LIFR: variants seen among roughly 807,000 people sequenced by gnomAD.
The protein encoded by LIFR is leukemia inhibitory factor receptor.
Under a neutral mutation model 122.2 loss-of-function variants are expected in LIFR, and 84 were observed. The observed-to-expected ratio is 0.69, with a 90% confidence interval of 0.58 to 0.82. The LOEUF (loss-of-function observed/expected upper bound fraction) is 0.82, where lower values mean the gene tolerates loss of function less well. Ranked by LOEUF, LIFR falls within the 40% of genes least tolerant of loss-of-function variation. The pLI is 0.00. For synonymous variants in LIFR, 422 were observed against 434.7 expected (o/e 0.97, Z 0.36); for missense variants, 1,294 against 1,311.6 (o/e 0.99, Z 0.21).
At chr5:38,579,674 C>T (rs1156660318) in intron 1 of LIFR, 1 of 152,136 alleles carries the variant, frequency 6.6e-6, no homozygotes, top group African/African-American at 2.4e-5. Flanking sequence ...GAGGTATACT[C>T]ACCAAGAAAG....
chr5:38,560,972 T>C (rs914539114), upstream of LIFR, among the ~76,000 whole-genome samples: 2 of 152,176 alleles, frequency 1.3e-5, no homozygotes, highest in Non-Finnish European at 2.9e-5. Context: ...AGACAAATAT[T>C]TTTTAAAAAA....
intron 5 of LIFR, among the ~76,000 whole-genome samples, chr5:38,514,261 A>G (rs1745958682): frequency 6.6e-6 from 1 of 152,182 alleles, no homozygotes. Flanking sequence ...ATAAAACAAG[A>G]AATTCCCAAG....
intron 1 of LIFR, among the ~76,000 whole-genome samples, chr5:38,551,231 G>T: frequency 6.6e-6 from 1 of 152,238 alleles, no homozygotes; most frequent in Middle Eastern, 3.4e-3. Context: ...CAGGGCTATG[G>T]GTCTCCAGGC....
upstream of LIFR, among the ~76,000 whole-genome samples, chr5:38,598,211 C>A (rs1360215633): frequency 4.8e-5 from 3 of 62,242 alleles, no homozygotes; most frequent in Non-Finnish European, 9.1e-5. Context: ...TAAGGCACCT[C>A]TTTTTTTTTT....
intron 1 of LIFR, among the ~76,000 whole-genome samples, chr5:38,584,931 G>A (rs13357050): frequency 0.038 from 5,770 of 152,156 alleles, 372 homozygotes; most frequent in African/African-American, 0.13. Context: ...TATAGCAACC[G>A]TTTTACTATC....
intron 4 of LIFR, among the ~76,000 whole-genome samples, chr5:38,525,158 G>A (rs1014929791): frequency 5.3e-5 from 8 of 152,276 alleles, no homozygotes; most frequent in South Asian, 4.1e-4. Flanking sequence ...CCCTAAGGGC[G>A]GATAAATCAT....
chr5:38,557,295 C>T (rs904454062), upstream of LIFR: 15 of 152,218 alleles, frequency 9.9e-5, no homozygotes, highest in African/African-American at 3.1e-4. Context: ...GGAGAAGAAA[C>T]GGATCTCTTA....
intron 1 of LIFR, among the ~76,000 whole-genome samples, chr5:38,570,232 T>C (rs1203099694): frequency 6.6e-6 from 1 of 152,188 alleles, no homozygotes; most frequent in Non-Finnish European, 1.5e-5. Context: ...TTTAGAACAG[T>C]GGCTGCTATT....
At chr5:38,549,252 TACACACACACACACAC>T (rs58706799) in intron 1 of LIFR, among the ~76,000 whole-genome samples, 3 of 147,804 alleles carry the variant, frequency 2.0e-5, no homozygotes, top group Admixed American at 1.3e-4. Context: ...TAGAAAATTG[TACACACACACACACAC>T]ACACACACAC....
intron 4 of LIFR, among the ~76,000 whole-genome samples, chr5:38,524,360 C>T (rs1260611712): frequency 1.3e-5 from 2 of 152,198 alleles, no homozygotes; most frequent in East Asian, 1.9e-4. Context: ...CAGAAAGGTT[C>T]CTTTATCAGT....
intron 1 of LIFR, chr5:38,550,231 T>A (rs1748128228): frequency 1.0e-6 from 1 of 971,092 alleles, no homozygotes; most frequent in Non-Finnish European, 1.2e-6. Context: ...AGATTTGGTT[T>A]TAAACAATCA....
chr5:38,569,198 A>G (rs1346852035), intron 1 of LIFR, among the ~76,000 whole-genome samples: 1 of 152,250 alleles, frequency 6.6e-6, no homozygotes, highest in African/African-American at 2.4e-5. Context: ...CTTCTTGCTC[A>G]GATTATAGCC....
chr5:38,597,755 G>A (rs16904005), upstream of LIFR, among the ~76,000 whole-genome samples: 588 of 152,322 alleles, frequency 3.9e-3, 6 homozygotes, highest in African/African-American at 0.013. Context: ...TAGATGACCA[G>A]CTGGAGACGG....
intron 1 of LIFR, chr5:38,530,898 G>A (rs2112572530): frequency 8.5e-6 from 4 of 472,500 alleles, no homozygotes; most frequent in South Asian, 8.3e-5. Context: ...TGGGCTTCAA[G>A]TTAAAGATCA....
intron 1 of LIFR, among the ~76,000 whole-genome samples, chr5:38,534,663 T>C (rs1747199073): frequency 6.6e-6 from 1 of 152,128 alleles, no homozygotes; most frequent in African/African-American, 2.4e-5. Context: ...ATGTTACAAG[T>C]TTCCAGGGAG....
intron 1 of LIFR, among the ~76,000 whole-genome samples, chr5:38,564,312 T>A (rs1748934204): frequency 6.6e-6 from 1 of 151,728 alleles, no homozygotes; most frequent in African/African-American, 2.4e-5. Context: ...AGCCTTGACC[T>A]CCTGGGTTCA....
intron 1 of LIFR, among the ~76,000 whole-genome samples, chr5:38,577,224 A>G (rs543091792): frequency 6.6e-6 from 1 of 152,144 alleles, no homozygotes; most frequent in Non-Finnish European, 1.5e-5. Context: ...CTAACAATGG[A>G]GGAGGATGTA....
chr5:38,505,457 A>G (rs895876450), intron 9 of LIFR, among the ~76,000 whole-genome samples: 9 of 150,880 alleles, frequency 6.0e-5, no homozygotes, highest in African/African-American at 2.2e-4. Flanking sequence ...AGTACAAATG[A>G]ATGCACATAA....
At chr5:38,570,397 A>G (rs1262144470) in intron 1 of LIFR, among the ~76,000 whole-genome samples, 2 of 152,198 alleles carry the variant, frequency 1.3e-5, no homozygotes, top group East Asian at 1.9e-4. Context: ...GACTTCATAC[A>G]GTTCTTCTGT....
Sources: gnomAD v4.1 joint callset for allele counts (sites outside exome capture counted in the v4.1 genomes callset) on GRCh38, gnomAD v4.1.1 for gene constraint, MANE v1.5 for transcripts, NCBI Gene and HGNC (gene_info 2026-07-23, HGNC 2026-07-21) for gene names.